Variants in MALRD1 observed in about 807,000 individuals in gnomAD.
MALRD1 encodes MAM and LDL receptor class A domain containing 1.
In MALRD1, 247 loss-of-function variants were observed where a neutral mutation model predicts 242.1. That is an observed-to-expected ratio of 1.02 (90% CI 0.92 to 1.13). MALRD1 has a LOEUF of 1.13. MALRD1 is among the 50% of genes most tolerant of loss of function. The pLI, the probability that MALRD1 is intolerant of heterozygous loss-of-function variation, is 0.00. For missense variants in MALRD1, 2,989 were observed against 2,533.1 expected, an observed-to-expected ratio of 1.18 and a Z score of -3.86; for synonymous variants, 995 against 866.6, an observed-to-expected ratio of 1.15 and a Z score of -2.60.
intron 32 of MALRD1, among the ~76,000 whole-genome samples, chr10:19,542,514 A>T (rs770073819): frequency 6.6e-6 from 1 of 151,976 alleles, no homozygotes; most frequent in Non-Finnish European, 1.5e-5. Flanking sequence ...ATGAGTCGTG[A>T]GAGGTTAGAA....
chr10:19,185,419 G>GA (rs142717071), intron 14 of MALRD1, among the ~76,000 whole-genome samples: 72 of 146,486 alleles, frequency 4.9e-4, no homozygotes, highest in South Asian at 8.5e-4. Context: ...CTACTCATGA[G>GA]AAAAAAAAAA....
At chr10:19,654,404 A>C (rs558328089) in intron 36 of MALRD1, among the ~76,000 whole-genome samples, 1 of 152,252 alleles carries the variant, frequency 6.6e-6, no homozygotes, top group Middle Eastern at 3.4e-3. Flanking sequence ...CAGTGTTTTG[A>C]TGATTTATAG....
chr10:19,678,722 A>T (rs1439703536), intron 36 of MALRD1, among the ~76,000 whole-genome samples: 1 of 152,152 alleles, frequency 6.6e-6, no homozygotes, highest in African/African-American at 2.4e-5. Context: ...TCCTTGTCTT[A>T]TGCTGGTTTT....
chr10:19,710,656 C>T (rs1429941583), intron 38 of MALRD1: 1 of 152,212 alleles, frequency 6.6e-6, no homozygotes, highest in African/African-American at 2.4e-5. Flanking sequence ...TATATGAAGA[C>T]TACTTTACTG....
intron 36 of MALRD1, among the ~76,000 whole-genome samples, chr10:19,652,459 G>T (rs1840944482): frequency 6.6e-6 from 1 of 152,192 alleles, no homozygotes. Context: ...CCAAGATCAT[G>T]AAAGTTTGCG....
chr10:19,561,808 G>A (rs976955510), intron 32 of MALRD1, among the ~76,000 whole-genome samples: 4 of 152,056 alleles, frequency 2.6e-5, no homozygotes, highest in Non-Finnish European at 5.9e-5. Flanking sequence ...AGAACTAGAG[G>A]GGATGGGGTT....
chr10:19,500,731 T>C (rs534131077), intron 31 of MALRD1, among the ~76,000 whole-genome samples: 3 of 152,346 alleles, frequency 2.0e-5, no homozygotes, highest in South Asian at 2.1e-4. Flanking sequence ...TAATGACTTA[T>C]ATGAGGATAT....
rs72796460 is a variant in MALRD1, at chr10:19,283,131, C to T, written c.3369C>T (p.Ile1123=). The T allele has an allele frequency of 0.041, 63,416 of 1,549,138 alleles. 1,497 individuals carry two copies. The highest frequency in any genetic ancestry group is 0.072 in the African/African-American group (5,262 of 73,052). Residue 1123 remains isoleucine (I), a synonymous_variant, in exon 21 of 40, where the codon ATC becomes ATT. Transcript: ENST00000454679. ...TCAGGTGGGGGCTTGGGAACGGGAT[C>T]AGCATTCATCATGGGGAAGAAAACC... ...NTFRWGLGNG[I]SIHHGEENHR... is the part of the protein sequence containing the mutation.
intron 25 of MALRD1, among the ~76,000 whole-genome samples, 199 bp downstream of exon 25, chr10:19,348,217 T>A (rs1294837223): frequency 6.6e-6 from 1 of 152,144 alleles, no homozygotes; most frequent in Admixed American, 6.6e-5. Context: ...TGGAAGAATT[T>A]CTCCTATGGA....
intron 7 of MALRD1, among the ~76,000 whole-genome samples, chr10:19,126,289 T>A (rs984743394): frequency 1.3e-5 from 2 of 152,162 alleles, no homozygotes; most frequent in Non-Finnish European, 2.9e-5. Flanking sequence ...AATTATGTTA[T>A]TCTATTCAAG....
chr10:19,726,580 T>C (rs990422001), intron 38 of MALRD1, among the ~76,000 whole-genome samples: 8 of 152,172 alleles, frequency 5.3e-5, no homozygotes, highest in Admixed American at 2.6e-4. Flanking sequence ...GTGTGTTCTA[T>C]CAATTCAACT....
intron 38 of MALRD1, among the ~76,000 whole-genome samples, chr10:19,708,381 A>G (rs1380923072): frequency 1.0e-5 from 1 of 96,942 alleles, no homozygotes; most frequent in East Asian, 2.9e-4. Context: ...TCTGCTGCCC[A>G]TGCTAAAGTG....
intron 18 of MALRD1, among the ~76,000 whole-genome samples, chr10:19,222,185 C>G (rs1837586664): frequency 6.6e-6 from 1 of 151,764 alleles, no homozygotes; most frequent in South Asian, 2.1e-4. Context: ...CTTTTCTTCC[C>G]TTAGTTCCCC....
intron 11 of MALRD1, among the ~76,000 whole-genome samples, chr10:19,153,227 A>C (rs972925189): frequency 2.0e-5 from 3 of 152,190 alleles, no homozygotes; most frequent in Non-Finnish European, 4.4e-5. Context: ...TTTATTCGAC[A>C]TCATTTTAAT....
At chr10:19,220,711 C>T (rs1206951312) in intron 18 of MALRD1, among the ~76,000 whole-genome samples, 1 of 152,156 alleles carries the variant, frequency 6.6e-6, no homozygotes, top group African/African-American at 2.4e-5. Context: ...TCTGGACACA[C>T]TGACAGGAAA....
intron 28 of MALRD1, among the ~76,000 whole-genome samples, chr10:19,405,786 A>G (rs1219843945): frequency 3.3e-5 from 5 of 152,158 alleles, no homozygotes; most frequent in African/African-American, 4.8e-5. Context: ...TATTCTTCCA[A>G]TGCATACATA....
chr10:19,634,880 A>G (rs762140157), intron 36 of MALRD1, among the ~76,000 whole-genome samples: 1 of 152,188 alleles, frequency 6.6e-6, no homozygotes, highest in Non-Finnish European at 1.5e-5. Context: ...GAGAATCAAC[A>G]AAAAGTGCTT....
intron 32 of MALRD1, among the ~76,000 whole-genome samples, chr10:19,542,728 TACAG>T (rs1461976662): frequency 6.6e-6 from 1 of 152,164 alleles, no homozygotes; most frequent in Non-Finnish European, 1.5e-5. Flanking sequence ...ATGTTAGAAA[TACAG>T]AGAGAAACCA....
intron 28 of MALRD1, among the ~76,000 whole-genome samples, chr10:19,432,938 T>G (rs1834203075): frequency 6.6e-6 from 1 of 152,182 alleles, no homozygotes; most frequent in African/African-American, 2.4e-5. Flanking sequence ...ATTACATTCT[T>G]TACATTCCAT....
Sources: allele counts gnomAD v4.1 joint callset (sites outside exome capture counted in the v4.1 genomes callset), GRCh38; gene constraint gnomAD v4.1.1; transcripts MANE v1.5; gene names NCBI Gene and HGNC (gene_info 2026-07-23, HGNC 2026-07-21).